SNX9: variants seen among roughly 807,000 people sequenced by gnomAD.
SNX9 encodes sorting nexin-9.
In SNX9, 44 loss-of-function variants were observed where a neutral mutation model predicts 89.4. That is an observed-to-expected ratio of 0.49 (90% CI 0.39 to 0.63). SNX9 has a LOEUF of 0.63. SNX9 is among the 30% of genes least tolerant of loss of function. The probability of loss-of-function intolerance (pLI) is 0.00; values close to 1 mark genes in which losing one functional copy is unlikely to be tolerated. For synonymous variants in SNX9, 236 were observed against 247.8 expected, an observed-to-expected ratio of 0.95 and a Z score of 0.45; for missense variants, 578 against 736.1, an observed-to-expected ratio of 0.79 and a Z score of 2.49.
At chr6:157,925,133 A>C (rs1783664500) in intron 10 of SNX9, among the ~76,000 whole-genome samples, 1 of 152,250 alleles carries the variant, frequency 6.6e-6, no homozygotes, top group African/African-American at 2.4e-5. Flanking sequence ...TATATAAGCA[A>C]TGAAGGGCTA....
intron 12 of SNX9, among the ~76,000 whole-genome samples, chr6:157,931,404 G>A (rs1364895123): frequency 6.6e-6 from 1 of 152,186 alleles, no homozygotes; most frequent in Admixed American, 6.5e-5. Flanking sequence ...ACTGCAGTGA[G>A]TCTTTAAATG....
intron 1 of SNX9, among the ~76,000 whole-genome samples, chr6:157,845,404 C>T (rs569340219): frequency 6.6e-6 from 1 of 152,318 alleles, no homozygotes; most frequent in South Asian, 2.1e-4. Flanking sequence ...AGCCACCGTG[C>T]CCGGCCCCAT....
rs78703890 is a variant in SNX9 at position 157,903,672 on chromosome 6, A to C, written c.620+1627A>C. ...AGTGGCCACGTTTTCATGGCTGATG[A>C]GTGAGGTTCCAGCTCATGCCTGGGG... On this transcript the variant is annotated intron_variant, in intron 6 of 17. Coordinates refer to ENST00000392185, the MANE Select transcript of SNX9 (RefSeq NM_016224.5). Among the ~76,000 whole-genome samples, 187 of 152,346 alleles carry C rather than the reference A, an allele frequency of 1.2e-3. 1 individual carries two copies. The East Asian group carries it at 0.021, about 17-fold the overall frequency.
intron 1 of SNX9, among the ~76,000 whole-genome samples, chr6:157,833,895 C>T (rs897516297): frequency 1.3e-5 from 2 of 152,208 alleles, no homozygotes; most frequent in African/African-American, 4.8e-5. Context: ...AAGCCAAACA[C>T]TGAAGCACCA....
chr6:157,928,641 G>T lies in SNX9; in HGVS notation c.1227G>T (p.Met409Ile). 6.2e-7 allele frequency: 1 copy of T among 1,611,348 alleles called. No individual in the cohort carries two copies. Among genetic ancestry groups the T allele is most frequent in the South Asian group, 1.1e-5 (1 of 90,522 alleles). ...CTGTGGGGAAGTTCACCAAGGCCATGGATGACGGCGTGAAGGAGCTGCTGA... is the reference window on the plus strand; with the variant it reads ...CTGTGGGGAAGTTCACCAAGGCCATTGATGACGGCGTGAAGGAGCTGCTGA... ...CEAVGKFTKAMDDGVKELLTV... is the reference protein window; with the variant it reads ...CEAVGKFTKAIDDGVKELLTV... Residue 409 changes from methionine (M) to isoleucine (I), a missense_variant, in exon 12 of 18, where the codon ATG (methionine) becomes ATT (isoleucine). Coordinates refer to ENST00000392185, the MANE Select transcript of SNX9 (RefSeq NM_016224.5).
At chr6:157,938,503 C>G (rs932292841) in intron 15 of SNX9, 130 bp from the exon 16 acceptor site, 1 of 585,966 alleles carries the variant, frequency 1.7e-6, no homozygotes, top group East Asian at 2.9e-5. Flanking sequence ...GCTTTCCTCT[C>G]TTCTTATTTT....
intron 1 of SNX9, among the ~76,000 whole-genome samples, chr6:157,861,573 A>G (rs1394893835): frequency 2.0e-5 from 3 of 152,224 alleles, no homozygotes; most frequent in East Asian, 3.8e-4. Context: ...AGCGATAACT[A>G]TAATATTCTG....
At chr6:157,850,870 C>T (rs1325820570) in intron 1 of SNX9, among the ~76,000 whole-genome samples, 1 of 152,226 alleles carries the variant, frequency 6.6e-6, no homozygotes. Context: ...CTGAATAAGG[C>T]TAACGCCATA....
intron 5 of SNX9, among the ~76,000 whole-genome samples, chr6:157,897,563 A>C (rs749498343): frequency 2.1e-4 from 32 of 152,272 alleles, no homozygotes; most frequent in East Asian, 1.9e-3. Flanking sequence ...GCTGGAGTGC[A>C]GTGGCACAAT....
chr6:157,895,390 T>G (rs757914256), intron 4 of SNX9, among the ~76,000 whole-genome samples: 34 of 152,198 alleles, frequency 2.2e-4, no homozygotes, highest in Non-Finnish European at 4.3e-4. Context: ...TTTAAAAAGT[T>G]GCTCTATTCC....
intron 2 of SNX9, among the ~76,000 whole-genome samples, chr6:157,871,773 C>CTTTTTTTTTTTT (rs750179923): frequency 8.2e-6 from 1 of 122,218 alleles, no homozygotes; most frequent in Non-Finnish European, 1.7e-5. Flanking sequence ...TCAGTCTTAC[C>CTTTTTTTTTTTT]TTTTTTTTTT....
At chr6:157,885,737 C>T (rs573747511) in intron 4 of SNX9, among the ~76,000 whole-genome samples, 7 of 152,254 alleles carry the variant, frequency 4.6e-5, no homozygotes, top group African/African-American at 1.4e-4. Context: ...TACAGGGCCC[C>T]ATCCCAAGAT....
Position 157,942,946 on chromosome 6 carries a change from A to G in SNX9, c.*108A>G. The G allele has an allele frequency of 8.0e-7, 1 of 1,243,118 alleles. No individual in the cohort carries two copies. Among genetic ancestry groups the G allele is most frequent in the Non-Finnish European group, 1.1e-6 (1 of 894,502 alleles). 77.0% of individuals were successfully genotyped at this position (1,243,118 alleles called of 1,614,324 possible). ...TTCAGAAAAAAAAGGAAACAAAACCAAAAAGAAAGAGTTGCAAAAAACTGC... is the reference window on the plus strand; with the variant it reads ...TTCAGAAAAAAAAGGAAACAAAACCGAAAAGAAAGAGTTGCAAAAAACTGC... On this transcript the variant is annotated 3_prime_UTR_variant, in exon 18 of 18. Coordinates refer to ENST00000392185, the MANE Select transcript of SNX9 (RefSeq NM_016224.5).
At chr6:157,903,609 C>T (rs907196081) in intron 6 of SNX9, among the ~76,000 whole-genome samples, 3 of 152,266 alleles carry the variant, frequency 2.0e-5, no homozygotes, top group African/African-American at 4.8e-5. Flanking sequence ...AAATTAGCCC[C>T]ATTTTGAAAA....
At chr6:157,887,461 C>G (rs1782758994) in intron 4 of SNX9, among the ~76,000 whole-genome samples, 1 of 152,186 alleles carries the variant, frequency 6.6e-6, no homozygotes, top group African/African-American at 2.4e-5. Context: ...AGCTCTCTCT[C>G]TGCGTCTCTG....
intron 4 of SNX9, among the ~76,000 whole-genome samples, chr6:157,880,636 G>T (rs780135970): frequency 6.6e-6 from 1 of 152,028 alleles, no homozygotes; most frequent in East Asian, 1.9e-4. Flanking sequence ...AACCCTAACC[G>T]AGTGCCATCG....
At chr6:157,869,244 T>G (rs1456025061) in intron 2 of SNX9, among the ~76,000 whole-genome samples, 3 of 152,178 alleles carry the variant, frequency 2.0e-5, no homozygotes, top group African/African-American at 7.2e-5. Context: ...CTTCAGCCCA[T>G]TTCTTTACAC....
At chr6:157,872,266 TC>T (rs1782428255) in intron 2 of SNX9, among the ~76,000 whole-genome samples, 1 of 152,198 alleles carries the variant, frequency 6.6e-6, no homozygotes, top group Non-Finnish European at 1.5e-5. Flanking sequence ...TTACAATTTT[TC>T]CTTTGATCAT....
chr6:157,828,734 C>CA (rs1781428629), intron 1 of SNX9, among the ~76,000 whole-genome samples: 1 of 152,118 alleles, frequency 6.6e-6, no homozygotes, highest in Non-Finnish European at 1.5e-5. Flanking sequence ...CTCAGCCCCG[C>CA]AAAGTATTGG....
Sources: allele counts gnomAD v4.1 joint callset (sites outside exome capture counted in the v4.1 genomes callset), GRCh38; gene constraint gnomAD v4.1.1; transcripts MANE v1.5; gene names NCBI Gene and HGNC (gene_info 2026-07-23, HGNC 2026-07-21).